RBM19: variants seen among roughly 807,000 people sequenced by gnomAD.
RBM19 encodes probable RNA-binding protein 19.
Under a neutral mutation model 116.8 loss-of-function variants are expected in RBM19, and 94 were observed. The ratio of observed to expected loss-of-function variants is 0.80; its 90% CI spans 0.68 to 0.95. RBM19 has a LOEUF of 0.95. RBM19 is among the 40% of genes least tolerant of loss of function. The pLI, the probability that RBM19 is intolerant of heterozygous loss-of-function variation, is 0.00. For missense variants in RBM19, 1,161 were observed against 1,220.7 expected (o/e 0.95, Z 0.73); for synonymous variants, 475 against 494.1 (o/e 0.96, Z 0.51).
chr12:113,923,006 T>C (rs10744804), intron 18 of RBM19, among the ~76,000 whole-genome samples: 108,339 of 152,058 alleles, frequency 0.71, 39,126 homozygotes, highest in East Asian at 0.98. Context: ...TGGTGACACA[T>C]GCCTGTAATC....
chr12:113,850,309 G>C (rs1593481143), intron 22 of RBM19, among the ~76,000 whole-genome samples: 1 of 152,178 alleles, frequency 6.6e-6, no homozygotes, highest in Non-Finnish European at 1.5e-5. Flanking sequence ...GCCTACCCAG[G>C]AAAGCTCTGA....
At chr12:113,915,141 C>T in intron 20 of RBM19, 56 bp from the exon 21 acceptor site, 1 of 1,337,292 alleles carries the variant, frequency 7.5e-7, no homozygotes, top group Non-Finnish European at 1.1e-6. Flanking sequence ...AGCTCCTGCC[C>T]AACATTGACT....
At position 113,854,849 on chromosome 12, in the gene RBM19, A is replaced by C. The variant is rs925093762; in HGVS notation, c.2664+3942T>G. Among the ~76,000 whole-genome samples the C allele has an allele frequency of 6.6e-5, 10 of 152,168 alleles. No individual in the cohort carries two copies. The South Asian group carries it at 8.3e-4, about 13-fold the overall frequency. Reference sequence around the variant, plus strand: ...GAGACTGGGGAGGGAGACTGGATGCAAATCTCCCACCCGATGCTGGAGCTG... The same window carrying C: ...GAGACTGGGGAGGGAGACTGGATGCCAATCTCCCACCCGATGCTGGAGCTG... On this transcript the variant is annotated intron_variant, in intron 22 of 23. Coordinates refer to ENST00000261741, the MANE Select transcript of RBM19 (RefSeq NM_016196.4).
At chr12:113,817,048 AG>A (rs1190431256) in exon 25 of RBM19, 1 of 152,236 alleles carries the variant, frequency 6.6e-6, no homozygotes. Flanking sequence ...TGTTCACCAA[AG>A]CCTGCGTGCT....
chr12:113,827,119 G>A (rs1206652084), intron 23 of RBM19, among the ~76,000 whole-genome samples: 3 of 152,104 alleles, frequency 2.0e-5, no homozygotes, highest in Non-Finnish European at 2.9e-5. Context: ...CCACTTCCCC[G>A]ACATCAAAAG....
intron 7 of RBM19, among the ~76,000 whole-genome samples, chr12:113,953,083 C>T (rs1246074911): frequency 1.3e-5 from 2 of 152,214 alleles, no homozygotes; most frequent in African/African-American, 2.4e-5. Context: ...ATGCTTGCTA[C>T]TCTGAAGTTT....
rs554934347 is a variant in RBM19 at position 113,931,048 on chromosome 12, C to G, written c.2069-3819G>C. ...GCTCATTTGTAGGAAAATTGGTAAA[C>G]AGAACAGTGAGTGACTGTAAACTCA... On this transcript the variant is annotated intron_variant, in intron 16 of 23. Transcript: ENST00000261741. Among the ~76,000 whole-genome samples the G allele has an allele frequency of 2.6e-5, 4 of 152,214 alleles. No individual in the cohort carries two copies. The East Asian group carries it at 5.8e-4, about 22-fold the overall frequency.
Position 113,854,128 on chromosome 12 carries a change from C to T in RBM19, c.2664+4663G>A, listed in dbSNP as rs374258851. Among the ~76,000 whole-genome samples, 115 of 151,658 alleles carry T rather than the reference C, an allele frequency of 7.6e-4. 2 individuals carry two copies. The East Asian group carries it at 0.018, about 23-fold the overall frequency. ...GCTCTGCCAAGTGCCACTATAAGAT[C>T]TTCAGCAAGCAACTTTGTCCCTTTG... is the stretch of plus-strand genomic sequence containing the variant. On this transcript the variant is annotated intron_variant, in intron 22 of 23. Coordinates refer to ENST00000261741, the MANE Select transcript of RBM19 (RefSeq NM_016196.4).
At chr12:113,861,172 G>A (rs143056324) in intron 21 of RBM19, among the ~76,000 whole-genome samples, 125 of 152,290 alleles carry the variant, frequency 8.2e-4, no homozygotes, top group Admixed American at 2.4e-3. Context: ...GACTCAACCC[G>A]CTTGCATCAT....
At chr12:113,884,123 A>C (rs950828601) in intron 21 of RBM19, among the ~76,000 whole-genome samples, 17 of 151,186 alleles carry the variant, frequency 1.1e-4, no homozygotes, top group Non-Finnish European at 1.6e-4. Context: ...AAAAAAAAAA[A>C]AAAACAAAAA....
Position 113,825,387 on chromosome 12 carries a change from C to T in RBM19, c.2786-2066G>A, listed in dbSNP as rs1186170526. Among the ~76,000 whole-genome samples the T allele has an allele frequency of 1.3e-5, 2 of 152,218 alleles. No homozygotes were observed. The highest frequency in any genetic ancestry group is 4.8e-5 in the African/African-American group (2 of 41,462). On this transcript the variant is annotated intron_variant, in intron 23 of 23. Coordinates refer to ENST00000261741, the MANE Select transcript of RBM19 (RefSeq NM_016196.4). This position sits in a 1 kb window ranked among gnomAD's most constrained non-coding sequence, Gnocchi z 5.7. ...CCCGGGGCTCGGACTCCGGCTTCCTCTCCTTCCTTGTGACCTCCTAGACAC... is the reference window on the plus strand; with the variant it reads ...CCCGGGGCTCGGACTCCGGCTTCCTTTCCTTCCTTGTGACCTCCTAGACAC...
chr12:113,935,137 CA>C (rs1415235946), intron 16 of RBM19, among the ~76,000 whole-genome samples: 1 of 152,158 alleles, frequency 6.6e-6, no homozygotes, highest in East Asian at 1.9e-4. Context: ...CCCCAGGACA[CA>C]AGGAAATGAA....
intron 23 of RBM19, among the ~76,000 whole-genome samples, chr12:113,834,133 G>C (rs759477580): frequency 6.6e-6 from 1 of 152,164 alleles, no homozygotes; most frequent in South Asian, 2.1e-4. Flanking sequence ...GGGCAGGGGA[G>C]GGGGGCAATC....
chr12:113,851,907 C>T (rs1470056465), intron 22 of RBM19, among the ~76,000 whole-genome samples: 4 of 151,850 alleles, frequency 2.6e-5, no homozygotes, highest in African/African-American at 7.3e-5. Context: ...AAAAATTAGC[C>T]GGGTGTGGAG....
chr12:113,892,387 A>G (rs980871419), intron 21 of RBM19, among the ~76,000 whole-genome samples: 1 of 152,122 alleles, frequency 6.6e-6, no homozygotes, highest in Non-Finnish European at 1.5e-5. Context: ...CAGGATTGCT[A>G]TTGTTGCCCA....
chr12:113,845,818 T>C (rs1302021637), intron 22 of RBM19, among the ~76,000 whole-genome samples: 1 of 152,228 alleles, frequency 6.6e-6, no homozygotes, highest in African/African-American at 2.4e-5. Flanking sequence ...GTGAGCTTAG[T>C]GGCCAAAAGC....
At position 113,951,551 on chromosome 12, in the gene RBM19, T is replaced by TCA. The variant is rs1304730449; in HGVS notation, c.1000+959_1000+960dup. On this transcript the variant is annotated intron_variant, in intron 8 of 23. Transcript: ENST00000261741. ...CACACACACACAAACACACACACAC[T>TCA]CACACACACAAACAAACTGAGGCTA... 7.3e-4 allele frequency among the ~76,000 whole-genome samples: 102 copies of TCA among 140,322 alleles called. 1 individual carries two copies. Among genetic ancestry groups the TCA allele is most frequent in the Admixed American group, 3.1e-3 (44 of 14,240 alleles). 92.1% of individuals were successfully genotyped at this position (140,322 alleles called of 152,430 possible).
rs1871252792 is a variant in RBM19, at chr12:113,948,855, C to T, written c.1254G>A (p.Leu418=). The change falls in exon 10 of 24, where the codon CTG becomes CTA. Residue 418 remains leucine (L), a synonymous_variant. Coordinates refer to ENST00000261741, the MANE Select transcript of RBM19 (RefSeq NM_016196.4). ...TACCATATTTGGAGAAGAGCTTCTC[C>T]AGATCCTCCTCGGTGCTGGTGTAGG... The part of the protein sequence containing the change: ...NLPYTSTEED[L]EKLFSKYGPL... 1 of 1,614,088 alleles carries T rather than the reference C, an allele frequency of 6.2e-7. No homozygotes were observed. Among genetic ancestry groups the T allele is most frequent in the South Asian group, 1.1e-5 (1 of 91,090 alleles).
chr12:113,937,190 G>A (rs1340577079), intron 15 of RBM19, 54 bp from the exon 16 acceptor site: 2 of 1,602,470 alleles, frequency 1.2e-6, no homozygotes, highest in African/African-American at 2.7e-5. Context: ...ACACTGCTGG[G>A]GAGGGACTCA....
Sources: allele counts gnomAD v4.1 joint callset (sites outside exome capture counted in the v4.1 genomes callset), GRCh38; gene constraint gnomAD v4.1.1; non-coding constraint Gnocchi (gnomAD v3.1); transcripts MANE v1.5; gene names NCBI Gene and HGNC (gene_info 2026-07-23, HGNC 2026-07-21).